PCNX1: variants seen among roughly 807,000 people sequenced by gnomAD.
The protein encoded by PCNX1 is pecanex 1, also known as pecanex-like protein 1.
In PCNX1, 78 loss-of-function variants were observed where a neutral mutation model predicts 242.2. That is an observed-to-expected ratio of 0.32 (90% confidence interval 0.27 to 0.39). The LOEUF is 0.39. Ranked by LOEUF, PCNX1 falls within the 10% of genes least tolerant of loss-of-function variation. The pLI, the probability that PCNX1 is intolerant of heterozygous loss-of-function variation, is 1.00. For missense variants in PCNX1, 2,581 were observed against 2,856.5 expected (o/e 0.90, Z 2.20); for synonymous variants, 1,024 against 1,032.9 (o/e 0.99, Z 0.17).
chr14:70,954,910 C>CA (rs1359361601), intron 2 of PCNX1, among the ~76,000 whole-genome samples: 1 of 152,200 alleles, frequency 6.6e-6, no homozygotes, highest in Non-Finnish European at 1.5e-5. Flanking sequence ...TCCTCACCCT[C>CA]ACACTTGTGA....
Position 71,026,805 on chromosome 14 carries a change from T to C in PCNX1, c.3389T>C (p.Ile1130Thr), listed in dbSNP as rs374347681. 5.8e-6 allele frequency: 9 copies of C among 1,562,282 alleles called. No individual in the cohort carries two copies. Among genetic ancestry groups the C allele is most frequent in the African/African-American group, 1.4e-5 (1 of 73,898 alleles). The change falls in exon 15 of 36, where the codon ATT becomes ACT. Residue 1130 changes from isoleucine to threonine, a missense_variant. Ile to Thr is a moderately conservative substitution (Grantham distance 89, BLOSUM62 -1). Around this residue, in one of 9 missense-constraint regions of PCNX1, gnomAD observed 432 missense variants for 443.1 expected, o/e 0.97. Coordinates refer to ENST00000304743, the MANE Select transcript of PCNX1 (RefSeq NM_014982.3). ...CTCTGTTTCCCAATAGTGTTTTTCA[T>C]TGGTCTCCTGCCTCAGGTGAATACA... ...FTLCFPIVFFIGLLPQVNTFV... is the reference protein window; with the variant it reads ...FTLCFPIVFFTGLLPQVNTFV...
intron 30 of PCNX1, among the ~76,000 whole-genome samples, chr14:71,099,157 TGA>T (rs1218857444): frequency 7.2e-5 from 10 of 139,032 alleles, no homozygotes; most frequent in African/African-American, 2.6e-4. Flanking sequence ...ACTATTATTT[TGA>T]TTTTTTTTTT....
intron 26 of PCNX1, among the ~76,000 whole-genome samples, chr14:71,069,688 C>G (rs12891445): frequency 0.09 from 13,773 of 152,208 alleles, 736 homozygotes; most frequent in Admixed American, 0.18. Context: ...GAATGTACTA[C>G]ATATCTTAAT....
At chr14:70,948,323 C>G (rs925095803) in intron 2 of PCNX1, among the ~76,000 whole-genome samples, 1 of 152,162 alleles carries the variant, frequency 6.6e-6, no homozygotes. Flanking sequence ...CTCCCCTGGA[C>G]AGCCAGTTTT....
intron 19 of PCNX1, among the ~76,000 whole-genome samples, chr14:71,043,301 A>ATT (rs2060764822): frequency 6.6e-6 from 1 of 152,168 alleles, no homozygotes; most frequent in Non-Finnish European, 1.5e-5. Flanking sequence ...GGTGAATTGT[A>ATT]TTTGGAAACT....
At chr14:71,080,005 G>A (rs1162078562) in intron 28 of PCNX1, among the ~76,000 whole-genome samples, 6 of 152,168 alleles carry the variant, frequency 3.9e-5, no homozygotes, top group African/African-American at 1.4e-4. Flanking sequence ...ATGGATTTAG[G>A]TCTTACATTT....
chr14:71,098,553 T>TGTGTGTGTGTGTGTGTGAGA (rs60367565), intron 30 of PCNX1, among the ~76,000 whole-genome samples: 13 of 125,668 alleles, frequency 1.0e-4, no homozygotes, highest in Non-Finnish European at 2.0e-4. Context: ...TGTGTGTGTG[T>TGTGTGTGTGTGTGTGTGAGA]GAGAGAGAGA....
rs115859894 is a variant in PCNX1 at position 70,980,744 on chromosome 14, A to G, written c.2311+2096A>G. On this transcript the variant is annotated intron_variant, in intron 6 of 35. Coordinates refer to ENST00000304743, the MANE Select transcript of PCNX1 (RefSeq NM_014982.3). ...AAAGATACTTGTTTATGTTAACATT[A>G]TCTGTTACAGTCCTGTCTGACAATT... Among the ~76,000 whole-genome samples, 1,154 of 152,230 alleles carry G rather than the reference A, an allele frequency of 7.6e-3. 13 individuals carry two copies. The highest frequency in any genetic ancestry group is 0.026 in the African/African-American group (1,080 of 41,568).
chr14:71,035,855 G>A (rs1005191837), intron 18 of PCNX1, among the ~76,000 whole-genome samples: 1 of 152,098 alleles, frequency 6.6e-6, no homozygotes, highest in African/African-American at 2.4e-5. Flanking sequence ...GTTGCAGTGA[G>A]CCAAAATTGT....
intron 19 of PCNX1, among the ~76,000 whole-genome samples, chr14:71,042,072 G>A (rs1435985704): frequency 7.9e-5 from 12 of 152,032 alleles, no homozygotes; most frequent in Admixed American, 7.9e-4. Flanking sequence ...TTAAAAATTT[G>A]TTGAGACTTG....
At chr14:70,947,900 A>T (rs1471445060) in intron 2 of PCNX1, among the ~76,000 whole-genome samples, 1 of 152,060 alleles carries the variant, frequency 6.6e-6, no homozygotes, top group African/African-American at 2.4e-5. Flanking sequence ...TCCCAGGGGG[A>T]GGCCTCTAAA....
chr14:70,946,689 C>CT (rs1440562961), intron 1 of PCNX1, among the ~76,000 whole-genome samples: 2 of 152,166 alleles, frequency 1.3e-5, no homozygotes, highest in African/African-American at 4.8e-5. Context: ...TTTATTCTCA[C>CT]TTTACATCTC....
In PCNX1 at chr14:70,995,888, A is replaced by G. The variant is rs1298487875; in HGVS notation, c.2592A>G (p.Ala864=). The G allele has an allele frequency of 1.2e-6, 2 of 1,614,102 alleles. No individual in the cohort carries two copies. The highest frequency in any genetic ancestry group is 1.7e-5 in the Admixed American group (1 of 60,028). ...SVHLEASHDN[A]SAVGGSSLHD... is the part of the protein sequence containing the mutation. ...ACTTAGAAGCATCACATGACAATGC[A>G]TCTGCTGTAGGCGGTAGCAGTTTGC... is the stretch of plus-strand genomic sequence containing the variant. The change falls in exon 8 of 36, where the codon GCA becomes GCG. Residue 864 remains alanine, a synonymous_variant. Transcript: ENST00000304743.
intron 26 of PCNX1, among the ~76,000 whole-genome samples, chr14:71,060,114 T>G (rs982026897): frequency 6.6e-6 from 1 of 152,214 alleles, no homozygotes; most frequent in African/African-American, 2.4e-5. Context: ...ACTGCAGCAA[T>G]GGACTGCACA....
chr14:71,032,108 G>T, intron 16 of PCNX1: 1 of 593,114 alleles, frequency 1.7e-6, no homozygotes, highest in South Asian at 1.9e-5. Context: ...AAAGCAGGTC[G>T]CTCAAGAGAG....
At position 70,927,334 on chromosome 14, in the gene PCNX1, G is replaced by A. The variant is rs193008496; in HGVS notation, c.153+19331G>A. On this transcript the variant is annotated intron_variant, in intron 1 of 35. Transcript: ENST00000304743. Reference sequence around the variant, plus strand: ...CTTCTACGTTTTTAAATTTTTTTCTGTTAGGCATCTTTCACATTTACTTCA... The same window carrying A: ...CTTCTACGTTTTTAAATTTTTTTCTATTAGGCATCTTTCACATTTACTTCA... Among the ~76,000 whole-genome samples the A allele has an allele frequency of 4.6e-3, 695 of 152,120 alleles. 7 individuals carry two copies. The highest frequency in any genetic ancestry group is 5.8e-3 in the Non-Finnish European group (392 of 67,980).
intron 23 of PCNX1, 50 bp from the exon 24 acceptor site, chr14:71,051,833 G>A (rs1276178175): frequency 6.4e-7 from 1 of 1,573,912 alleles, no homozygotes; most frequent in Admixed American, 1.9e-5. Context: ...GGGTTTGTTT[G>A]GCATCTGTGC....
intron 1 of PCNX1, among the ~76,000 whole-genome samples, chr14:70,945,673 CTT>C (rs201576782): frequency 6.8e-6 from 1 of 146,256 alleles, no homozygotes; most frequent in Admixed American, 6.9e-5. Flanking sequence ...TTGAGGTTAA[CTT>C]TTTTTTTTTT....
chr14:71,048,307 T>G (rs2060923016), intron 22 of PCNX1, among the ~76,000 whole-genome samples: 1 of 152,176 alleles, frequency 6.6e-6, no homozygotes, highest in Non-Finnish European at 1.5e-5. Flanking sequence ...TGGTAATAAT[T>G]GAATTGGGCT....
Sources: gnomAD v4.1 joint callset for allele counts (sites outside exome capture counted in the v4.1 genomes callset) on GRCh38, gnomAD v4.1.1 for gene constraint, gnomAD v4.1.1 regional missense constraint, MANE v1.5 for transcripts, NCBI Gene and HGNC (gene_info 2026-07-23, HGNC 2026-07-21) for gene names.